Variants in TOX2 observed in about 807,000 individuals in gnomAD.
TOX2 encodes granulosa cell HMG box 1.
TOX2 carries 15 observed loss-of-function variants against 47.4 expected under a neutral mutation model. That is an observed-to-expected ratio of 0.32 (90% confidence interval 0.21 to 0.49). The LOEUF is 0.49. Among genes scored for constraint, TOX2 ranks in the 20% least tolerant of loss-of-function variants. The probability of loss-of-function intolerance (pLI) is 0.99; values close to 1 mark genes in which losing one functional copy is unlikely to be tolerated. For missense variants in TOX2, 622 were observed against 673.1 expected, an observed-to-expected ratio of 0.92 and a Z score of 0.84; for synonymous variants, 290 against 296.6, an observed-to-expected ratio of 0.98 and a Z score of 0.23.
intron 1 of TOX2, among the ~76,000 whole-genome samples, chr20:43,952,344 TAACTGAGC>T (rs1394714757): frequency 1.3e-5 from 2 of 152,180 alleles, no homozygotes; most frequent in Non-Finnish European, 2.9e-5. Flanking sequence ...GGCCTAAACT[TAACTGAGC>T]ATGTTAGGGT....
At chr20:44,036,037 T>C (rs916103436) in intron 3 of TOX2, among the ~76,000 whole-genome samples, 1 of 152,172 alleles carries the variant, frequency 6.6e-6, no homozygotes, top group Non-Finnish European at 1.5e-5. Flanking sequence ...AGACCACCCC[T>C]TGGAAGGGCT....
At chr20:43,924,021 T>C (rs2069138979) in intron 1 of TOX2, among the ~76,000 whole-genome samples, 1 of 152,276 alleles carries the variant, frequency 6.6e-6, no homozygotes, top group South Asian at 2.1e-4. Flanking sequence ...GTGAGAGGCC[T>C]AAAAATGAAC....
chr20:44,027,119 G>C (rs2071079978), intron 3 of TOX2, among the ~76,000 whole-genome samples: 1 of 152,210 alleles, frequency 6.6e-6, no homozygotes, highest in South Asian at 2.1e-4. Context: ...AACTGTTGCA[G>C]GGCCTGATGA....
rs2069060055 is a variant in TOX2 at position 43,916,812 on chromosome 20, G to T, written c.99+1822G>T. Among the ~76,000 whole-genome samples, 1 of 152,196 alleles carries T rather than the reference G, an allele frequency of 6.6e-6. No homozygotes were observed. Among genetic ancestry groups the T allele is most frequent in the African/African-American group, 2.4e-5 (1 of 41,438 alleles). On this transcript the variant is annotated intron_variant, in intron 1 of 8. Coordinates refer to ENST00000341197, the MANE Select transcript of TOX2 (RefSeq NM_001098797.2). This position sits in a 1 kb window ranked among gnomAD's most constrained non-coding sequence, Gnocchi z 5.0. ...TTAGCCTGGAGCGCTCCGTTTGAGG[G>T]TGGTGTTTCTATAAATCTCGCCAGG...
intron 2 of TOX2, among the ~76,000 whole-genome samples, chr20:43,991,938 A>T (rs2070376302): frequency 6.6e-6 from 1 of 152,182 alleles, no homozygotes; most frequent in African/African-American, 2.4e-5. Context: ...GCCAGCCATA[A>T]TCATTATTTT....
Position 44,020,608 on chromosome 20 carries a change from C to T in TOX2, c.411+13816C>T, listed in dbSNP as rs566914792. Among the ~76,000 whole-genome samples the T allele has an allele frequency of 1.3e-4, 20 of 152,316 alleles. 1 individual carries two copies. The highest frequency in any genetic ancestry group is 7.2e-4 in the Admixed American group (11 of 15,308). Reference sequence around the variant, plus strand: ...ACTACTGCTGAGCTGCTTCTGGAAACGTGATCCTAAGGCCAGCAGCAGCAG... The same window carrying T: ...ACTACTGCTGAGCTGCTTCTGGAAATGTGATCCTAAGGCCAGCAGCAGCAG... On this transcript the variant is annotated intron_variant, in intron 3 of 8. Transcript: ENST00000341197.
intron 1 of TOX2, among the ~76,000 whole-genome samples, chr20:43,960,426 A>G (rs1025210456): frequency 6.6e-6 from 1 of 152,188 alleles, no homozygotes; most frequent in Non-Finnish European, 1.5e-5. Context: ...GTGGGGATAC[A>G]GAATGCTTAG....
At chr20:44,015,792 A>C (rs2070868467) in intron 3 of TOX2, among the ~76,000 whole-genome samples, 1 of 151,342 alleles carries the variant, frequency 6.6e-6, no homozygotes, top group Admixed American at 6.6e-5. Flanking sequence ...TCTTTCGTAA[A>C]CCCCCCATCC....
At chr20:43,941,944 T>C (rs1021311254) in intron 1 of TOX2, among the ~76,000 whole-genome samples, 1 of 152,166 alleles carries the variant, frequency 6.6e-6, no homozygotes, top group Non-Finnish European at 1.5e-5. Context: ...GCTACTGTAG[T>C]GAAAATCAAA....
intron 1 of TOX2, among the ~76,000 whole-genome samples, chr20:43,918,297 G>T (rs144585921): frequency 1.3e-3 from 204 of 152,280 alleles, no homozygotes; most frequent in South Asian, 6.8e-3. Context: ...TAGGGCAAAT[G>T]ATTTTTAGCT....
chr20:44,051,181 A>T (rs2071502322), intron 3 of TOX2, 125 bp from the exon 4 acceptor site: 1 of 1,366,132 alleles, frequency 7.3e-7, no homozygotes, highest in African/African-American at 1.5e-5. Flanking sequence ...CCTGTCAGGG[A>T]TCGGAGCAGG....
In TOX2 at chr20:43,936,134, A is replaced by G. The variant is rs574360201; in HGVS notation, c.99+21144A>G. Reference sequence around the variant, plus strand: ...CTTGGCATGGCGTCTTGTCATTCCCACTGGTAGAGACAGGCAGACCTACCC... The same window carrying G: ...CTTGGCATGGCGTCTTGTCATTCCCGCTGGTAGAGACAGGCAGACCTACCC... On this transcript the variant is annotated intron_variant, in intron 1 of 8. Coordinates refer to ENST00000341197, the MANE Select transcript of TOX2 (RefSeq NM_001098797.2). Among the ~76,000 whole-genome samples the G allele has an allele frequency of 1.4e-4, 21 of 152,086 alleles. No individual in the cohort carries two copies. The East Asian group carries it at 4.1e-3, about 29-fold the overall frequency.
chr20:44,068,568 G>A (rs2071877114), intron 8 of TOX2, 82 bp from the exon 9 acceptor site: 1 of 1,491,174 alleles, frequency 6.7e-7, no homozygotes, highest in Middle Eastern at 2.3e-4. Context: ...GTGGGGGTGG[G>A]GCGTACAGTG....
At chr20:44,030,636 C>T (rs1028746852) in intron 3 of TOX2, among the ~76,000 whole-genome samples, 2 of 152,218 alleles carry the variant, frequency 1.3e-5, no homozygotes, top group African/African-American at 4.8e-5. Flanking sequence ...TGGCTTCCCT[C>T]TCGGCCCTCA....
At chr20:44,017,724 C>T (rs932933351) in intron 3 of TOX2, among the ~76,000 whole-genome samples, 5 of 152,162 alleles carry the variant, frequency 3.3e-5, no homozygotes, top group African/African-American at 1.2e-4. Context: ...CTCACTTAAT[C>T]CTTGACCCTG....
intron 1 of TOX2, among the ~76,000 whole-genome samples, chr20:43,923,756 G>A (rs73908112): frequency 0.058 from 8,771 of 152,234 alleles, 639 homozygotes; most frequent in African/African-American, 0.17. Context: ...ACTCTGAGAT[G>A]GAGAGTTGCT....
At chr20:44,008,438 T>C (rs982245393) in intron 3 of TOX2, among the ~76,000 whole-genome samples, 4 of 151,986 alleles carry the variant, frequency 2.6e-5, no homozygotes, top group African/African-American at 9.7e-5. Flanking sequence ...CACACACCTG[T>C]AATACCAGCT....
Position 43,914,934 on chromosome 20 carries a change from C to G in TOX2, c.43C>G (p.Arg15Gly), listed in dbSNP as rs1346625515. Residue 15 changes from arginine to glycine, a missense_variant, in exon 1 of 9, where the codon CGG becomes GGG. Arg to Gly is a moderately radical substitution (Grantham distance 125). Around this residue, in one of 3 missense-constraint regions of TOX2, gnomAD observed 307 missense variants for 327.3 expected, o/e 0.94. Transcript: ENST00000341197. The surrounding 1 kb of genome is among the most constrained non-coding windows in gnomAD (Gnocchi z 4.5). ...LYPSAPAVGA[R>G]PGAEPAGLAH... ...CCCCTCGGCGCCCGCGGTGGGCGCG[C>G]GGCCCGGGGCCGAGCCGGCCGGCCT... 1 of 1,194,354 alleles carries G rather than the reference C, an allele frequency of 8.4e-7. No homozygotes were observed. The highest frequency in any genetic ancestry group is 1.0e-6 in the Non-Finnish European group (1 of 965,414). 74.0% of individuals were successfully genotyped at this position (1,194,354 alleles called of 1,614,324 possible).
intron 2 of TOX2, among the ~76,000 whole-genome samples, chr20:44,000,505 G>A (rs1165659259): frequency 6.6e-6 from 1 of 152,160 alleles, no homozygotes. Context: ...AATGTGTTAA[G>A]TTGTTTGAGG....
Sources: allele counts gnomAD v4.1 joint callset (sites outside exome capture counted in the v4.1 genomes callset), GRCh38; gene constraint gnomAD v4.1.1; regional missense constraint gnomAD v4.1.1; non-coding constraint Gnocchi (gnomAD v3.1); transcripts MANE v1.5; gene names NCBI Gene and HGNC (gene_info 2026-07-23, HGNC 2026-07-21).